PEBP4: variants seen among roughly 807,000 people sequenced by gnomAD.
The protein encoded by PEBP4 is phosphatidylethanolamine binding protein 4.
In PEBP4, 22 loss-of-function variants were observed where a neutral mutation model predicts 23.9. The observed-to-expected ratio is 0.92, with a 90% confidence interval of 0.66 to 1.31. The LOEUF (loss-of-function observed/expected upper bound fraction) is 1.31. Ranked by LOEUF, PEBP4 falls within the 40% of genes most tolerant of loss-of-function variation. PEBP4 has a pLI of 0.00. For missense variants in PEBP4, 324 were observed against 281.7 expected, an observed-to-expected ratio of 1.15 and a Z score of -1.07; for synonymous variants, 112 against 99.3, an observed-to-expected ratio of 1.13 and a Z score of -0.76.
rs553439797 is a variant in PEBP4, at chr8:22,790,522, G to A, written c.357+27115C>T. Reference sequence around the variant, plus strand: ...GACAAGGCCCCTAAGCATGGCAACAGCTTAGCAGGGGCAGAAAACACCAGG... The same window carrying A: ...GACAAGGCCCCTAAGCATGGCAACAACTTAGCAGGGGCAGAAAACACCAGG... On this transcript the variant is annotated intron_variant, in intron 4 of 6. Coordinates refer to ENST00000256404, the MANE Select transcript of PEBP4 (RefSeq NM_144962.3). Among the ~76,000 whole-genome samples the A allele has an allele frequency of 1.6e-3, 243 of 152,298 alleles. 1 individual carries two copies. Among genetic ancestry groups the A allele is most frequent in the Middle Eastern group, 0.01 (3 of 294 alleles).
At chr8:22,915,607 G>C (rs1226922528) in intron 3 of PEBP4, among the ~76,000 whole-genome samples, 1 of 152,176 alleles carries the variant, frequency 6.6e-6, no homozygotes, top group Non-Finnish European at 1.5e-5. Flanking sequence ...TAATATTTAC[G>C]AAGTGAGTCA....
chr8:22,914,855 C>T (rs532120231), intron 3 of PEBP4, among the ~76,000 whole-genome samples: 12 of 152,260 alleles, frequency 7.9e-5, no homozygotes, highest in Non-Finnish European at 1.6e-4. Flanking sequence ...CTCTGTGTCC[C>T]CTTCTTGGTG....
intron 3 of PEBP4, chr8:22,884,531 G>A (rs1808333470): frequency 1.3e-5 from 2 of 152,226 alleles, no homozygotes; most frequent in South Asian, 4.1e-4. Context: ...CGGGAGGAGA[G>A]TTAATCAGGG....
chr8:22,807,844 C>T (rs985070366), intron 4 of PEBP4, among the ~76,000 whole-genome samples: 1 of 151,090 alleles, frequency 6.6e-6, no homozygotes, highest in African/African-American at 2.4e-5. Flanking sequence ...ATCCATCCAT[C>T]CATCCACCCA....
At chr8:22,871,302 C>T (rs560969687) in intron 3 of PEBP4, among the ~76,000 whole-genome samples, 3 of 152,226 alleles carry the variant, frequency 2.0e-5, no homozygotes, top group South Asian at 2.1e-4. Flanking sequence ...ATTTTGCACC[C>T]CCATCACTGT....
At chr8:22,773,642 T>G (rs558856484) in intron 4 of PEBP4, among the ~76,000 whole-genome samples, 1 of 152,082 alleles carries the variant, frequency 6.6e-6, no homozygotes, top group South Asian at 2.1e-4. Context: ...CCTGAGAGGG[T>G]GCTCAGGAGG....
intron 3 of PEBP4, among the ~76,000 whole-genome samples, chr8:22,819,181 A>G (rs932473889): frequency 3.3e-5 from 5 of 152,284 alleles, no homozygotes; most frequent in African/African-American, 1.2e-4. Context: ...ACTGTAAAAC[A>G]TGCTACAATT....
intron 3 of PEBP4, among the ~76,000 whole-genome samples, chr8:22,905,116 A>G (rs1284289556): frequency 6.6e-6 from 1 of 152,240 alleles, no homozygotes; most frequent in Non-Finnish European, 1.5e-5. Context: ...CCTGCGGTGT[A>G]TACTCTTTTA....
chr8:22,740,672 G>A (rs1254483029), intron 4 of PEBP4, among the ~76,000 whole-genome samples: 1 of 152,074 alleles, frequency 6.6e-6, no homozygotes, highest in Non-Finnish European at 1.5e-5. Flanking sequence ...CTCCTTTCCT[G>A]TTCCTTCTGG....
At chr8:22,772,204 G>GA (rs940813948) in intron 4 of PEBP4, among the ~76,000 whole-genome samples, 47 of 152,340 alleles carry the variant, frequency 3.1e-4, no homozygotes, top group African/African-American at 1.1e-3. Context: ...ACATAGATGA[G>GA]AAAACCAAGG....
intron 4 of PEBP4, among the ~76,000 whole-genome samples, chr8:22,736,719 C>A (rs191710623): frequency 3.0e-4 from 45 of 152,344 alleles, no homozygotes; most frequent in African/African-American, 1.1e-3. Flanking sequence ...CCCTTTCTAG[C>A]TACTCAGAAC....
chr8:22,717,021 G>T (rs768348181), intron 6 of PEBP4, among the ~76,000 whole-genome samples: 2 of 152,224 alleles, frequency 1.3e-5, no homozygotes, highest in African/African-American at 2.4e-5. Context: ...GTCCCTAGCA[G>T]ACAAGGTCCC....
chr8:22,733,253 A>T (rs1804776752), intron 4 of PEBP4, among the ~76,000 whole-genome samples: 1 of 152,200 alleles, frequency 6.6e-6, no homozygotes, highest in Non-Finnish European at 1.5e-5. Context: ...CTCGGCACAC[A>T]GTGGGTATAG....
At chr8:22,931,427 A>G (rs746856564), upstream of PEBP4, among the ~76,000 whole-genome samples, 11 of 151,356 alleles carry the variant, frequency 7.3e-5, no homozygotes, top group Non-Finnish European at 1.6e-4. Context: ...ACCCTAATCT[A>G]TTTTCCGTCT....
intron 3 of PEBP4, among the ~76,000 whole-genome samples, chr8:22,836,916 A>T (rs1461144351): frequency 6.6e-6 from 1 of 152,194 alleles, no homozygotes; most frequent in Non-Finnish European, 1.5e-5. Context: ...TAAGCAACAA[A>T]GGGTGTGGAT....
intron 3 of PEBP4, chr8:22,884,241 C>G (rs760248316): frequency 2.0e-5 from 3 of 152,124 alleles, no homozygotes; most frequent in African/African-American, 7.2e-5. Flanking sequence ...GGTTCTACCA[C>G]CTAGTTAGAA....
chr8:22,787,691 G>A (rs1206083972), intron 4 of PEBP4, among the ~76,000 whole-genome samples: 1 of 152,194 alleles, frequency 6.6e-6, no homozygotes, highest in Non-Finnish European at 1.5e-5. Flanking sequence ...AGTCTGGTTG[G>A]GGATTCAGAG....
intron 4 of PEBP4, among the ~76,000 whole-genome samples, chr8:22,805,208 C>T (rs185913419): frequency 6.6e-4 from 100 of 152,338 alleles, no homozygotes; most frequent in Non-Finnish European, 7.9e-4. Context: ...GGTGGATACA[C>T]GTCGTGATGC....
At chr8:22,878,234 G>C (rs1042905694) in intron 3 of PEBP4, 1 of 122,990 alleles carries the variant, frequency 8.1e-6, no homozygotes, top group Non-Finnish European at 1.8e-5. Flanking sequence ...GAGAGGGAGG[G>C]AGGGAGGGAG....
Sources: allele counts gnomAD v4.1 joint callset (sites outside exome capture counted in the v4.1 genomes callset), GRCh38; gene constraint gnomAD v4.1.1; transcripts MANE v1.5; gene names NCBI Gene and HGNC (gene_info 2026-07-23, HGNC 2026-07-21).